Variants in GRIK3 observed in about 807,000 individuals in gnomAD.
The protein encoded by GRIK3 is glutamate receptor ionotropic, kainate 3.
In GRIK3, 29 loss-of-function variants were observed where a neutral mutation model predicts 102.5. The ratio of observed to expected loss-of-function variants is 0.28; its 90% CI spans 0.21 to 0.39. The LOEUF is 0.39. GRIK3 is among the 10% of genes least tolerant of loss of function. GRIK3 has a pLI of 1.00. For missense variants in GRIK3, 908 were observed against 1,252.4 expected (o/e 0.73, Z 4.15); for synonymous variants, 511 against 504.9 (o/e 1.01, Z -0.16).
chr1:36,962,237 C>T (rs1642018067), intron 1 of GRIK3, among the ~76,000 whole-genome samples: 1 of 152,226 alleles, frequency 6.6e-6, no homozygotes, highest in African/African-American at 2.4e-5. Flanking sequence ...ATGCAAAGAT[C>T]CTTGCAAAGA....
At chr1:36,956,507 C>T (rs1184269039) in intron 1 of GRIK3, among the ~76,000 whole-genome samples, 1 of 152,214 alleles carries the variant, frequency 6.6e-6, no homozygotes, top group Non-Finnish European at 1.5e-5. Context: ...GGCAGCCAGG[C>T]TTCCCAGCTC....
At chr1:36,869,550 C>G (rs1331424175) in intron 5 of GRIK3, among the ~76,000 whole-genome samples, 198 bp downstream of exon 5, 1 of 152,164 alleles carries the variant, frequency 6.6e-6, no homozygotes, top group Non-Finnish European at 1.5e-5. Context: ...GAGTTCACAT[C>G]CTTAATTATA....
intron 1 of GRIK3, among the ~76,000 whole-genome samples, chr1:36,947,312 T>C (rs1202270674): frequency 6.6e-6 from 1 of 151,938 alleles, no homozygotes; most frequent in Admixed American, 6.6e-5. Context: ...CCTGCCCCCA[T>C]CACTACCTGC....
rs1252206860 is a variant in GRIK3 at position 36,869,742 on chromosome 1, C to T, written c.786+6G>A. 6.2e-7 allele frequency: 1 copy of T among 1,603,456 alleles called. No homozygotes were observed. The highest frequency in any genetic ancestry group is 8.5e-7 in the Non-Finnish European group (1 of 1,170,278). The stretch of plus-strand genomic sequence containing the variant: ...TTTCCCGTGCCAGGACCCAGAGGTA[C>T]ATTACCAGAGTGGTGAAGATGAAGT... On this transcript the variant is annotated splice_donor_region_variant and intron_variant, in intron 5 of 15. Transcript: ENST00000373091.
chr1:36,822,614 A>G (rs1019723762), intron 11 of GRIK3, among the ~76,000 whole-genome samples: 4 of 152,072 alleles, frequency 2.6e-5, no homozygotes, highest in African/African-American at 4.8e-5. Flanking sequence ...ACCTGGAGAC[A>G]CTCTGTCTCC....
At chr1:37,031,571 G>T (rs1286754783) in intron 1 of GRIK3, among the ~76,000 whole-genome samples, 1 of 152,240 alleles carries the variant, frequency 6.6e-6, no homozygotes, top group Non-Finnish European at 1.5e-5. Context: ...GGTGCTCGGC[G>T]ATGCCTGGCT....
chr1:36,955,643 C>T (rs983585263), intron 1 of GRIK3, among the ~76,000 whole-genome samples: 12 of 152,236 alleles, frequency 7.9e-5, no homozygotes, highest in Admixed American at 3.3e-4. Flanking sequence ...GCCAAGCATA[C>T]TGAACAGGCT....
At chr1:36,868,630 T>C (rs1018909101) in intron 5 of GRIK3, among the ~76,000 whole-genome samples, 4 of 152,234 alleles carry the variant, frequency 2.6e-5, no homozygotes, top group South Asian at 2.1e-4. Context: ...GAGGAGATAA[T>C]GCAATTGGCT....
In GRIK3 at chr1:36,816,673, T is replaced by C. The variant is rs189842184; in HGVS notation, c.2091+387A>G. Among the ~76,000 whole-genome samples the C allele has an allele frequency of 2.1e-3, 317 of 152,316 alleles. 4 individuals carry two copies. The East Asian group carries it at 0.027, about 13-fold the overall frequency. On this transcript the variant is annotated intron_variant, in intron 13 of 15. Transcript: ENST00000373091. ...GTCTCCCCAACCTCAGGTTAGCTTC[T>C]TTGAGATGGACGGCATTGAGGTCTG...
intron 1 of GRIK3, among the ~76,000 whole-genome samples, chr1:36,912,668 C>T (rs973278851): frequency 6.6e-5 from 10 of 152,072 alleles, no homozygotes; most frequent in Admixed American, 6.5e-4. Flanking sequence ...TGGGGGGCTG[C>T]GTTGTGCTGT....
At chr1:36,935,673 A>C (rs2124318113) in intron 1 of GRIK3, among the ~76,000 whole-genome samples, 1 of 152,320 alleles carries the variant, frequency 6.6e-6, no homozygotes, top group South Asian at 2.1e-4. Context: ...GAATACATTC[A>C]AGTCGGAAAT....
intron 1 of GRIK3, among the ~76,000 whole-genome samples, chr1:36,931,492 A>G (rs933702293): frequency 6.6e-6 from 1 of 152,074 alleles, no homozygotes; most frequent in Non-Finnish European, 1.5e-5. Context: ...TTATACATGT[A>G]TTTATTTACT....
At chr1:36,945,403 G>C (rs887103384) in intron 1 of GRIK3, among the ~76,000 whole-genome samples, 7 of 152,190 alleles carry the variant, frequency 4.6e-5, no homozygotes, top group Non-Finnish European at 8.8e-5. Context: ...CCTGGTCAGG[G>C]ATGGGCTCTC....
chr1:37,013,400 C>A (rs1642617703), intron 1 of GRIK3, among the ~76,000 whole-genome samples: 1 of 152,252 alleles, frequency 6.6e-6, no homozygotes, highest in African/African-American at 2.4e-5. Flanking sequence ...CTCCAAACAT[C>A]TGGGTGCTTG....
chr1:36,893,949 C>A (rs531560894), intron 1 of GRIK3, among the ~76,000 whole-genome samples: 2 of 152,268 alleles, frequency 1.3e-5, no homozygotes, highest in South Asian at 4.1e-4. Flanking sequence ...GAAGACATTT[C>A]TTGTTTCATT....
intron 1 of GRIK3, among the ~76,000 whole-genome samples, chr1:36,954,038 G>A (rs976285682): frequency 6.6e-5 from 10 of 152,206 alleles, no homozygotes; most frequent in African/African-American, 1.4e-4. Flanking sequence ...ATGGGAAACC[G>A]TTAGTCCTAA....
chr1:37,028,220 G>A (rs1174496806), intron 1 of GRIK3, among the ~76,000 whole-genome samples: 1 of 152,136 alleles, frequency 6.6e-6, no homozygotes, highest in East Asian at 1.9e-4. Context: ...ACACAGACAC[G>A]AGGCCCTTGG....
intron 2 of GRIK3, among the ~76,000 whole-genome samples, chr1:36,889,200 G>C (rs1383234400): frequency 1.1e-4 from 17 of 151,948 alleles, no homozygotes. Context: ...ACCTTGTCTA[G>C]GGGTTAGGGG....
chr1:36,802,053 A>G lies in GRIK3; in HGVS notation c.2566-8T>C. Reference sequence around the variant, plus strand: ...GGTGCTGCAGAAGGAACGCTGCAGGAGGGTGGAGGAGAGGGGTCGGAAAAG... The same window carrying G: ...GGTGCTGCAGAAGGAACGCTGCAGGGGGGTGGAGGAGAGGGGTCGGAAAAG... On this transcript the variant is annotated splice_region_variant and splice_polypyrimidine_tract_variant and intron_variant, in intron 15 of 15. Transcript: ENST00000373091. 6.3e-7 allele frequency: 1 copy of G among 1,599,656 alleles called. No individual in the cohort carries two copies. Among genetic ancestry groups the G allele is most frequent in the Non-Finnish European group, 8.5e-7 (1 of 1,172,216 alleles).
Sources: allele counts gnomAD v4.1 joint callset (sites outside exome capture counted in the v4.1 genomes callset), GRCh38; gene constraint gnomAD v4.1.1; transcripts MANE v1.5; gene names NCBI Gene and HGNC (gene_info 2026-07-23, HGNC 2026-07-21).